Variants in ABHD4 observed in about 807,000 individuals in gnomAD.
ABHD4 encodes abhydrolase domain containing 4, N-acyl phospholipase B, also known as (Lyso)-N-acylphosphatidylethanolamine lipase.
Under a neutral mutation model 42.3 loss-of-function variants are expected in ABHD4, and 35 were observed. The ratio of observed to expected loss-of-function variants is 0.83; its 90% confidence interval spans 0.63 to 1.10. The LOEUF (loss-of-function observed/expected upper bound fraction) is 1.10. Among genes scored for constraint, ABHD4 ranks in the 50% least tolerant of loss-of-function variants. ABHD4 has a pLI of 0.00. For synonymous variants in ABHD4, 169 were observed against 170.6 expected (o/e 0.99, Z 0.07); for missense variants, 389 against 454.8 (o/e 0.86, Z 1.32).
Position 22,601,746 on chromosome 14 carries a change from A to T in ABHD4, c.103A>T (p.Ile35Phe), listed in dbSNP as rs1388904291. 3.1e-6 allele frequency: 5 copies of T among 1,613,988 alleles called. No homozygotes were observed. In the Admixed American group the frequency reaches 8.3e-5, roughly 27 times the overall value. The stretch of plus-strand genomic sequence containing the variant: ...TCAGCTGAAGAATGTGGAAGCCAGG[A>T]TCCTCCAGTGTAAGTAGAATGGACA... ...MSQLKNVEAR[I>F]LQCLQNKFLA... Residue 35 changes from isoleucine (I) to phenylalanine (F), a missense_variant, in exon 2 of 7, where the codon ATC becomes TTC. Around this residue, in one of 3 missense-constraint regions of ABHD4, gnomAD observed 102 missense variants for 128.3 expected, o/e 0.80. Coordinates refer to ENST00000428304, the MANE Select transcript of ABHD4 (RefSeq NM_022060.3).
intron 2 of ABHD4, 74 bp downstream of exon 2, chr14:22,601,829 C>A: frequency 7.7e-7 from 1 of 1,301,308 alleles, no homozygotes; most frequent in Non-Finnish European, 1.1e-6. Flanking sequence ...CCAGAGCCTG[C>A]TACATTGAGC....
rs1211318330 is a variant in ABHD4, at chr14:22,606,545, T to TC, written c.752+16dup. On this transcript the variant is annotated intron_variant, in intron 5 of 6. Transcript: ENST00000428304. Reference sequence around the variant, plus strand: ...GCACAGAATCCCAGGTGAGGGCCGCTCCCCAGGCCAGCTTGGGGCAGACAG... The same window carrying TC: ...GCACAGAATCCCAGGTGAGGGCCGCTCCCCCAGGCCAGCTTGGGGCAGACAG... The TC allele has an allele frequency of 6.3e-7, 1 of 1,582,150 alleles. No homozygotes were observed. Among genetic ancestry groups the TC allele is most frequent in the Non-Finnish European group, 8.7e-7 (1 of 1,153,404 alleles).
chr14:22,606,864 T>C (rs1200451102), intron 5 of ABHD4, among the ~76,000 whole-genome samples: 2 of 152,092 alleles, frequency 1.3e-5, no homozygotes, highest in African/African-American at 4.8e-5. Context: ...GATACAAACA[T>C]GGTATTTTTT....
In ABHD4 at chr14:22,610,900, A is replaced by C; in HGVS notation, c.981A>C (p.Pro327=). 6.2e-7 allele frequency: 1 copy of C among 1,614,160 alleles called. No homozygotes were observed. Among genetic ancestry groups the C allele is most frequent in the East Asian group, 2.2e-5 (1 of 44,882 alleles). The change falls in exon 7 of 7, where the codon CCA becomes CCC. Residue 327 remains proline (P), a synonymous_variant. Transcript: ENST00000428304. The stretch of plus-strand genomic sequence containing the variant: ...CCCACCATGTCTATGCTGACCAGCC[A>C]CACATCTTCAATGCTGTGGTGGAGG... ...GASHHVYADQ[P]HIFNAVVEEI...
rs1237696397 is a variant in ABHD4 at position 22,606,547 on chromosome 14, C to G, written c.752+14C>G. The G allele has an allele frequency of 6.4e-7, 1 of 1,574,496 alleles. No homozygotes were observed. Among genetic ancestry groups the G allele is most frequent in the Non-Finnish European group, 8.7e-7 (1 of 1,146,834 alleles). On this transcript the variant is annotated intron_variant, in intron 5 of 6. Transcript: ENST00000428304. ...ACAGAATCCCAGGTGAGGGCCGCTC[C>G]CCAGGCCAGCTTGGGGCAGACAGTT...
chr14:22,609,814 G>A lies in ABHD4; in HGVS notation c.843G>A (p.Val281=), dbSNP rs776538602. 6.8e-6 allele frequency: 11 copies of A among 1,614,154 alleles called. No homozygotes were observed. The highest frequency in any genetic ancestry group is 9.3e-6 in the Non-Finnish European group (11 of 1,180,026). The change falls in exon 6 of 7, where the codon GTG becomes GTA. Residue 281 remains valine (V), a synonymous_variant. Coordinates refer to ENST00000428304, the MANE Select transcript of ABHD4 (RefSeq NM_022060.3). ...LERIHLIRKD[V]PITMIYGSDT... is the part of the protein sequence containing the mutation. ...GAATTCACTTGATTCGAAAAGATGT[G>A]CCTATCACTATGATCTACGGGTCCG... is the stretch of plus-strand genomic sequence containing the variant.
chr14:22,609,627 G>C (rs2037387904), intron 5 of ABHD4, 97 bp from the exon 6 acceptor site: 2 of 1,335,690 alleles, frequency 1.5e-6, no homozygotes, highest in Non-Finnish European at 2.1e-6. Flanking sequence ...GCTTTGACAG[G>C]AATACAAAGG....
rs528443795 is a variant in ABHD4 at position 22,600,294 on chromosome 14, G to C, written c.24-1373G>C. On this transcript the variant is annotated intron_variant, in intron 1 of 6. Transcript: ENST00000428304. ...ATGTAAAAATGTGGTTATGTTCTGT[G>C]AATATTTGTACATGACCTTGAAAAG... 9.3e-6 allele frequency: 4 copies of C among 428,460 alleles called. No homozygotes were observed. The Admixed American group carries it at 1.0e-4, about 11-fold the overall frequency. 26.5% of individuals were successfully genotyped at this position (428,460 alleles called of 1,614,324 possible).
At chr14:22,598,413 G>A (rs2037242568) in intron 1 of ABHD4, 84 bp downstream of exon 1, 5 of 1,549,802 alleles carry the variant, frequency 3.2e-6, no homozygotes, top group East Asian at 2.4e-5. Context: ...AGGAACAGTT[G>A]TAGACACCTT....
chr14:22,598,509 G>A, intron 1 of ABHD4, 180 bp downstream of exon 1: 2 of 1,523,946 alleles, frequency 1.3e-6, no homozygotes, highest in Non-Finnish European at 1.8e-6. Flanking sequence ...AAGAGGCAGC[G>A]GCTGAGCCTG....
At chr14:22,609,255 C>T (rs916170602) in intron 5 of ABHD4, among the ~76,000 whole-genome samples, 1 of 151,800 alleles carries the variant, frequency 6.6e-6, no homozygotes, top group African/African-American at 2.4e-5. Context: ...GCCTCGGCCT[C>T]CCAAAGTGCT....
At chr14:22,605,410 A>G (rs2037337912) in intron 4 of ABHD4, among the ~76,000 whole-genome samples, 1 of 152,198 alleles carries the variant, frequency 6.6e-6, no homozygotes, top group Non-Finnish European at 1.5e-5. Flanking sequence ...TTATCTCTCT[A>G]GGTCCTTCAA....
Position 22,609,724 on chromosome 14 carries a change from T to A in ABHD4, c.753T>A (p.Ser251Arg), listed in dbSNP as rs772784482. The A allele has an allele frequency of 6.2e-7, 1 of 1,613,038 alleles. No individual in the cohort carries two copies. The highest frequency in any genetic ancestry group is 8.5e-7 in the Non-Finnish European group (1 of 1,179,576). Residue 251 changes from serine to arginine, a missense_variant and splice_region_variant, in exon 6 of 7, where the codon AGT becomes AGA. By Grantham distance (110) the Ser-to-Arg change is moderately radical. This residue lies in a region of ABHD4 where 249 missense variants were observed against 254.4 expected (regional missense o/e 0.98). Transcript: ENST00000428304. ...YIYHCNAQNP[S>R]GETAFKAMME... Reference sequence around the variant, plus strand: ...TTTATTGCTGTTTTGCTTTTGACAGTGGTGAGACAGCATTCAAAGCCATGA... The same window carrying A: ...TTTATTGCTGTTTTGCTTTTGACAGAGGTGAGACAGCATTCAAAGCCATGA...
chr14:22,602,172 T>G (rs10148741), intron 2 of ABHD4, among the ~76,000 whole-genome samples: 52,918 of 151,944 alleles, frequency 0.35, 9,742 homozygotes, highest in Non-Finnish European at 0.39. Context: ...CTGATGTTAC[T>G]ATTCCTGTGT....
rs1241301781 is a variant in ABHD4, at chr14:22,609,914, T to C, written c.939+4T>C. On this transcript the variant is annotated splice_donor_region_variant and intron_variant, in intron 6 of 6. Transcript: ENST00000428304. ...GGATTCCTATGTCCGAGACATGGTA[T>C]GTTGCACCACCCAAGGAGTGGAAAT... 6.2e-7 allele frequency: 1 copy of C among 1,613,538 alleles called. No homozygotes were observed. Among genetic ancestry groups the C allele is most frequent in the Non-Finnish European group, 8.5e-7 (1 of 1,179,764 alleles).
At chr14:22,602,788 G>A (rs975220079) in intron 2 of ABHD4, among the ~76,000 whole-genome samples, 2 of 152,144 alleles carry the variant, frequency 1.3e-5, no homozygotes, top group African/African-American at 4.8e-5. Flanking sequence ...AGAGTGTGTA[G>A]TGTTAAAGAA....
At chr14:22,606,684 G>T (rs911600953) in intron 5 of ABHD4, 151 bp downstream of exon 5, 1 of 607,586 alleles carries the variant, frequency 1.6e-6, no homozygotes, top group Non-Finnish European at 2.9e-6. Context: ...CATTTCCAGA[G>T]AGTTCCCCAG....
intron 5 of ABHD4, 199 bp from the exon 6 acceptor site, chr14:22,609,525 A>G (rs2037386933): frequency 1.8e-6 from 1 of 547,246 alleles, no homozygotes; most frequent in Admixed American, 3.3e-5. Flanking sequence ...GGGGTTTTTC[A>G]CAAGTGTTCC....
Position 22,606,443 on chromosome 14 carries a change from T to C in ABHD4, c.662T>C (p.Phe221Ser). 1.2e-6 allele frequency: 2 copies of C among 1,612,932 alleles called. No individual in the cohort carries two copies. Among genetic ancestry groups the C allele is most frequent in the Non-Finnish European group, 1.7e-6 (2 of 1,179,654 alleles). ...GPWGPGLVQRFRPDFKRKFAD... is the reference protein window; with the variant it reads ...GPWGPGLVQRSRPDFKRKFAD... The stretch of plus-strand genomic sequence containing the variant: ...CCAGGGCCTGGTCTGGTGCAGCGAT[T>C]CCGGCCGGACTTCAAACGCAAGTTT... Residue 221 changes from phenylalanine (F) to serine (S), a missense_variant, in exon 5 of 7, where the codon TTC (phenylalanine) becomes TCC (serine). Phe to Ser is a radical substitution (Grantham distance 155). Around this residue, in one of 3 missense-constraint regions of ABHD4, gnomAD observed 249 missense variants for 254.4 expected, o/e 0.98. Transcript: ENST00000428304.
Sources: allele counts gnomAD v4.1 joint callset (sites outside exome capture counted in the v4.1 genomes callset), GRCh38; gene constraint gnomAD v4.1.1; regional missense constraint gnomAD v4.1.1; transcripts MANE v1.5; gene names NCBI Gene and HGNC (gene_info 2026-07-23, HGNC 2026-07-21).